ESRRG: variants seen among roughly 807,000 people sequenced by gnomAD.
ESRRG encodes estrogen-related receptor gamma.
Under a neutral mutation model 44.0 loss-of-function variants are expected in ESRRG, and 13 were observed. That is an observed-to-expected ratio of 0.30 (90% CI 0.19 to 0.47). ESRRG has a LOEUF of 0.47. ESRRG is among the 20% of genes least tolerant of loss of function. ESRRG has a pLI of 1.00. For missense variants in ESRRG, 395 were observed against 580.6 expected (o/e 0.68, Z 3.29); for synonymous variants, 215 against 214.6 (o/e 1.00, Z -0.02).
At chr1:216,899,190 A>C (rs2058773003) in intron 2 of ESRRG, among the ~76,000 whole-genome samples, 1 of 152,216 alleles carries the variant, frequency 6.6e-6, no homozygotes, top group Admixed American at 6.5e-5. Context: ...TTCAGGGCTA[A>C]GTACTAAAGA....
At chr1:217,105,492 A>T (rs1005867217) in intron 1 of ESRRG, among the ~76,000 whole-genome samples, 4 of 152,130 alleles carry the variant, frequency 2.6e-5, no homozygotes, top group Non-Finnish European at 5.9e-5. Context: ...AGCCTTAGTC[A>T]GAATGGTCCG....
intron 1 of ESRRG, among the ~76,000 whole-genome samples, chr1:217,084,821 C>T (rs2091980588): frequency 6.6e-6 from 1 of 152,064 alleles, no homozygotes; most frequent in Non-Finnish European, 1.5e-5. Flanking sequence ...ACAGGTACTC[C>T]AAACACACTC....
intron 2 of ESRRG, among the ~76,000 whole-genome samples, chr1:216,920,997 C>A (rs2061769825): frequency 6.6e-6 from 1 of 152,180 alleles, no homozygotes; most frequent in Non-Finnish European, 1.5e-5. Flanking sequence ...TGACCTCAAG[C>A]AGTTTTACCC....
At chr1:216,890,606 T>A (rs1344006875) in intron 2 of ESRRG, among the ~76,000 whole-genome samples, 2 of 152,192 alleles carry the variant, frequency 1.3e-5, no homozygotes, top group East Asian at 3.9e-4. Context: ...ACAGTGAACA[T>A]TTATTGAGCA....
chr1:216,586,242 A>T (rs2149899458), intron 3 of ESRRG, among the ~76,000 whole-genome samples: 1 of 152,218 alleles, frequency 6.6e-6, no homozygotes, highest in South Asian at 2.1e-4. Context: ...CCTGGGTCTC[A>T]GTTTCTTTAC....
At chr1:216,784,711 C>T (rs1252254228) in intron 2 of ESRRG, among the ~76,000 whole-genome samples, 2 of 151,954 alleles carry the variant, frequency 1.3e-5, no homozygotes, top group Non-Finnish European at 2.9e-5. Flanking sequence ...GCCCTAGTTT[C>T]CTTTCTTCCT....
rs553086971 is a variant in ESRRG, at chr1:216,888,343, C to T, written c.-14+51239G>A. Among the ~76,000 whole-genome samples the T allele has an allele frequency of 2.0e-5, 3 of 152,232 alleles. No individual in the cohort carries two copies. The South Asian group carries it at 6.2e-4, about 32-fold the overall frequency. ...CTTCAAATTGTAGTAATCTCAGGCT[C>T]TTCAAAGCAATATGCTCTGTTGTCC... On this transcript the variant is annotated intron_variant, in intron 2 of 7. Transcript: ENST00000359162.
Position 216,709,343 on chromosome 1 carries a change from G to GTATATATATATATA in ESRRG, c.56+13887_56+13900dup, listed in dbSNP as rs71163761. Among the ~76,000 whole-genome samples the GTATATATATATATA allele has an allele frequency of 8.8e-3, 1,285 of 145,316 alleles. 22 individuals carry two copies. The highest frequency in any genetic ancestry group is 0.031 in the African/African-American group (1,190 of 38,854). On this transcript the variant is annotated intron_variant, in intron 1 of 6. Transcript: ENST00000408911. Reference sequence around the variant, plus strand: ...TATATATGTGTATGTGTGTGTGTGTGTATATATATATATATATATTCAATT... The same window carrying GTATATATATATATA: ...TATATATGTGTATGTGTGTGTGTGTGTATATATATATATATATATATATATATATATATTCAATT...
rs568088533 is a variant in ESRRG, at chr1:216,771,395, A to T, written c.-13-93904T>A. Reference sequence around the variant, plus strand: ...AATGCCTTATAATCTTTGCCATAGCATGTATGTACAGTTATCTAATAAGTA... The same window carrying T: ...AATGCCTTATAATCTTTGCCATAGCTTGTATGTACAGTTATCTAATAAGTA... On this transcript the variant is annotated intron_variant, in intron 2 of 7. Coordinates refer to the ESRRG transcript ENST00000359162. 7.9e-5 allele frequency among the ~76,000 whole-genome samples: 12 copies of T among 152,278 alleles called. No individual in the cohort carries two copies. The South Asian group carries it at 2.5e-3, about 32-fold the overall frequency.
At chr1:217,092,952 G>A (rs2092370180), upstream of ESRRG, among the ~76,000 whole-genome samples, 1 of 152,082 alleles carries the variant, frequency 6.6e-6, no homozygotes, top group East Asian at 1.9e-4. Context: ...ACAATTTAGG[G>A]AAGCATTCTA....
chr1:216,644,628 G>T (rs1320812834), intron 3 of ESRRG, among the ~76,000 whole-genome samples: 1 of 151,302 alleles, frequency 6.6e-6, no homozygotes, highest in African/African-American at 2.4e-5. Context: ...TAGAAATGAG[G>T]GTTTCATCAC....
intron 2 of ESRRG, among the ~76,000 whole-genome samples, chr1:216,749,371 T>C (rs949625351): frequency 2.0e-5 from 3 of 152,128 alleles, no homozygotes; most frequent in African/African-American, 7.2e-5. Flanking sequence ...TGGCTGGATT[T>C]GGACTTCCTG....
intron 5 of ESRRG, among the ~76,000 whole-genome samples, chr1:216,563,325 A>G (rs1380024194): frequency 6.6e-6 from 1 of 152,190 alleles, no homozygotes; most frequent in East Asian, 1.9e-4. Flanking sequence ...ATATCGCCTG[A>G]CAGTTCGTTA....
At chr1:216,603,945 C>CAAAAAAAAAAAAAAAAAAAAAAA (rs144012100) in intron 3 of ESRRG, among the ~76,000 whole-genome samples, 1 of 127,364 alleles carries the variant, frequency 7.9e-6, no homozygotes. Flanking sequence ...AACAAAAAAA[C>CAAAAAAAAAAAAAAAAAAAAAAA]AAAAAAAAAA....
chr1:217,101,962 A>G (rs971477267), intron 1 of ESRRG, among the ~76,000 whole-genome samples: 5 of 152,092 alleles, frequency 3.3e-5, no homozygotes, highest in African/African-American at 1.2e-4. Context: ...ATGCGCCACC[A>G]CGCCTGGCTA....
chr1:217,103,761 C>A (rs1580583615), intron 1 of ESRRG, among the ~76,000 whole-genome samples: 1 of 151,834 alleles, frequency 6.6e-6, no homozygotes, highest in African/African-American at 2.4e-5. Context: ...TGACGAATGC[C>A]CCTCCAAGCC....
intron 1 of ESRRG, among the ~76,000 whole-genome samples, chr1:217,060,641 A>G (rs901155549): frequency 2.4e-4 from 37 of 151,992 alleles, no homozygotes; most frequent in African/African-American, 8.9e-4. Flanking sequence ...ATAGAAATCC[A>G]CTCACTGTGC....
At chr1:216,972,589 T>C (rs977201953) in intron 1 of ESRRG, among the ~76,000 whole-genome samples, 2 of 152,190 alleles carry the variant, frequency 1.3e-5, no homozygotes, top group African/African-American at 4.8e-5. Context: ...TCTGGGTCAC[T>C]GACATGCTGG....
chr1:216,650,930 A>T (rs1226738949), intron 3 of ESRRG, 43 bp downstream of exon 3: 3 of 1,313,132 alleles, frequency 2.3e-6, no homozygotes, highest in African/African-American at 1.5e-5. Flanking sequence ...TCCCATCCCC[A>T]CAGCAAAATC....
Sources: gnomAD v4.1 joint callset for allele counts (sites outside exome capture counted in the v4.1 genomes callset) on GRCh38, gnomAD v4.1.1 for gene constraint, MANE v1.5 for transcripts, NCBI Gene and HGNC (gene_info 2026-07-23, HGNC 2026-07-21) for gene names.